Variants in PCDHGA2 observed in about 807,000 individuals in gnomAD.
PCDHGA2 encodes protocadherin gamma subfamily A, 2, also known as protocadherin gamma-A2.
Under a neutral mutation model 59.2 loss-of-function variants are expected in PCDHGA2, and 40 were observed. That is an observed-to-expected ratio of 0.68 (90% CI 0.52 to 0.88). The LOEUF (loss-of-function observed/expected upper bound fraction) is 0.88, where lower values mean the gene tolerates loss of function less well. PCDHGA2 is among the 40% of genes least tolerant of loss of function. The pLI is 0.00. For missense variants in PCDHGA2, 1,226 were observed against 1,204.0 expected, an observed-to-expected ratio of 1.02 and a Z score of -0.27; for synonymous variants, 560 against 526.0, an observed-to-expected ratio of 1.06 and a Z score of -0.89.
chr5:141,479,679 T>A (rs1211872684), intron 1 of PCDHGA2: 1 of 152,258 alleles, frequency 6.6e-6, no homozygotes, highest in East Asian at 1.9e-4. Flanking sequence ...AAGGAGAGTC[T>A]TTTTGGTGCC....
intron 1 of PCDHGA2, among the ~76,000 whole-genome samples, chr5:141,469,304 C>T (rs890230691): frequency 2.0e-5 from 3 of 151,892 alleles, no homozygotes; most frequent in East Asian, 1.9e-4. Flanking sequence ...AGACTGGGCA[C>T]GATGGCTCAC....
chr5:141,414,789 C>T, intron 1 of PCDHGA2: 1 of 1,614,218 alleles, frequency 6.2e-7, no homozygotes, highest in East Asian at 2.2e-5. Context: ...AGGTGACAGC[C>T]AGCGACAGCG....
At chr5:141,409,011 A>T in intron 1 of PCDHGA2, 1 of 1,613,974 alleles carries the variant, frequency 6.2e-7, no homozygotes, top group Non-Finnish European at 8.5e-7. Context: ...ACTGACCAGG[A>T]TGAGGGGGTC....
chr5:141,370,545 G>A (rs768607566), intron 1 of PCDHGA2: 2 of 1,613,866 alleles, frequency 1.2e-6, no homozygotes, highest in Non-Finnish European at 1.7e-6. Context: ...AGGGAACCTC[G>A]CCAAGGACCT....
intron 1 of PCDHGA2, chr5:141,355,437 G>A (rs746063927): frequency 5.0e-6 from 8 of 1,613,990 alleles, no homozygotes; most frequent in African/African-American, 1.3e-5. Context: ...CCCTGAACCC[G>A]CGCAGCGGCA....
At chr5:141,429,469 T>C (rs547784462) in intron 1 of PCDHGA2, among the ~76,000 whole-genome samples, 4 of 151,932 alleles carry the variant, frequency 2.6e-5, no homozygotes, top group African/African-American at 4.8e-5. Context: ...CCCACCTCAA[T>C]CTCCAGAGTA....
Position 141,494,842 on chromosome 5 carries a change from G to A in PCDHGA2, c.2460G>A (p.Gln820=). 1 of 1,614,116 alleles carries A rather than the reference G, an allele frequency of 6.2e-7. No homozygotes were observed. Among genetic ancestry groups the A allele is most frequent in the Non-Finnish European group, 8.5e-7 (1 of 1,180,018 alleles). The change falls in exon 2 of 4, where the codon CAG becomes CAA. Residue 820 remains glutamine, a synonymous_variant. Coordinates refer to ENST00000394576, the MANE Select transcript of PCDHGA2 (RefSeq NM_018915.4). ...APPNTDWRFS[Q]AQRPGTSGSQ... is the part of the protein sequence containing the mutation. ...CCAACACGGACTGGCGTTTCTCTCA[G>A]GCCCAGAGACCCGGCACCAGCGGGT... is the stretch of plus-strand genomic sequence containing the variant.
At chr5:141,375,176 GT>G (rs1486897870) in intron 1 of PCDHGA2, 1 of 1,614,018 alleles carries the variant, frequency 6.2e-7, no homozygotes, top group South Asian at 1.1e-5. Flanking sequence ...TCCAGGAACA[GT>G]AATCGCCCTT....
At chr5:141,361,920 C>A (rs756760762) in intron 1 of PCDHGA2, 5 of 1,607,942 alleles carry the variant, frequency 3.1e-6, no homozygotes. Flanking sequence ...TGGCGGTGGA[C>A]GCAGACTCAG....
intron 1 of PCDHGA2, among the ~76,000 whole-genome samples, chr5:141,436,531 G>A (rs1365651055): frequency 2.6e-5 from 4 of 152,152 alleles, no homozygotes; most frequent in South Asian, 2.1e-4. Flanking sequence ...CCTTTAGCAA[G>A]TTATTTAATC....
At chr5:141,438,305 G>T (rs1287488865) in intron 1 of PCDHGA2, among the ~76,000 whole-genome samples, 2 of 151,822 alleles carry the variant, frequency 1.3e-5, no homozygotes, top group East Asian at 1.9e-4. Context: ...AAAGAAGTTG[G>T]TACCACCATA....
intron 1 of PCDHGA2, chr5:141,408,303 G>T: frequency 1.2e-6 from 2 of 1,613,794 alleles, no homozygotes; most frequent in South Asian, 1.1e-5. Context: ...GAGCCGATCC[G>T]CTACTCGATT....
At chr5:141,403,106 C>A (rs1311418325) in intron 1 of PCDHGA2, 1 of 1,614,066 alleles carries the variant, frequency 6.2e-7, no homozygotes. Context: ...CTCCAAGGAC[C>A]TGGCTCTGGA....
At chr5:141,396,447 C>T (rs1200125693) in intron 1 of PCDHGA2, 2 of 152,068 alleles carry the variant, frequency 1.3e-5, no homozygotes, top group South Asian at 2.1e-4. Flanking sequence ...GGTGAAACCC[C>T]GTCTCTACTA....
chr5:141,404,119 T>G, intron 1 of PCDHGA2: 1 of 1,613,504 alleles, frequency 6.2e-7, no homozygotes, highest in Non-Finnish European at 8.5e-7. Flanking sequence ...TCCAGGAGAA[T>G]CTATCTTTTA....
At chr5:141,427,929 T>A in intron 1 of PCDHGA2, 1 of 1,582,776 alleles carries the variant, frequency 6.3e-7, no homozygotes, top group South Asian at 1.1e-5. Flanking sequence ...CCGGCGCATG[T>A]TGGTGGGCGA....
chr5:141,345,526 G>A, intron 1 of PCDHGA2: 1 of 1,614,106 alleles, frequency 6.2e-7, no homozygotes, highest in Non-Finnish European at 8.5e-7. Flanking sequence ...ACTCTCCAGG[G>A]GGCGCCCCTG....
chr5:141,369,472 G>C (rs557451479), intron 1 of PCDHGA2, among the ~76,000 whole-genome samples: 3 of 152,128 alleles, frequency 2.0e-5, no homozygotes, highest in Non-Finnish European at 4.4e-5. Flanking sequence ...TTCTAGCCCA[G>C]CCTGGGCAAC....
chr5:141,489,208 C>A lies in PCDHGA2; in HGVS notation c.2425-5599C>A. On this transcript the variant is annotated intron_variant, in intron 1 of 3. Coordinates refer to ENST00000394576, the MANE Select transcript of PCDHGA2 (RefSeq NM_018915.4). The surrounding 1 kb of genome is among the most constrained non-coding windows in gnomAD (Gnocchi z 4.5). The stretch of plus-strand genomic sequence containing the variant: ...GGTCTACCTTGGAGACAGGACAGCA[C>A]AGACTTACTCTCCACAAAGGGACTT... 1 of 1,451,152 alleles carries A rather than the reference C, an allele frequency of 6.9e-7. No individual in the cohort carries two copies. The highest frequency in any genetic ancestry group is 9.3e-7 in the Non-Finnish European group (1 of 1,072,112). 89.9% of individuals were successfully genotyped at this position (1,451,152 alleles called of 1,614,324 possible).
Sources: gnomAD v4.1 joint callset for allele counts (sites outside exome capture counted in the v4.1 genomes callset) on GRCh38, gnomAD v4.1.1 for gene constraint, Gnocchi (gnomAD v3.1) non-coding constraint, MANE v1.5 for transcripts, NCBI Gene and HGNC (gene_info 2026-07-23, HGNC 2026-07-21) for gene names.